The following LPP variants were observed in gnomAD, a reference collection of about 807,000 sequenced individuals.
LPP encodes the protein LIM domain containing preferred translocation partner in lipoma.
LPP carries 38 observed loss-of-function variants against 60.4 expected under a neutral mutation model. The ratio of observed to expected loss-of-function variants is 0.63; its 90% CI spans 0.49 to 0.83. The LOEUF (loss-of-function observed/expected upper bound fraction) is 0.83, where lower values mean the gene tolerates loss of function less well. LPP is among the 40% of genes least tolerant of loss of function. The pLI, the probability that LPP is intolerant of heterozygous loss-of-function variation, is 0.00. For missense variants in LPP, 902 were observed against 783.6 expected (o/e 1.15, Z -1.80); for synonymous variants, 328 against 290.8 (o/e 1.13, Z -1.30).
chr3:188,829,602 T>C (rs1459864450), intron 9 of LPP, among the ~76,000 whole-genome samples: 3 of 152,154 alleles, frequency 2.0e-5, no homozygotes, highest in Non-Finnish European at 4.4e-5. Context: ...ATGTTACTAA[T>C]AAGGAATCAG....
intron 7 of LPP, among the ~76,000 whole-genome samples, chr3:188,664,795 A>G (rs973204518): frequency 6.6e-6 from 1 of 152,206 alleles, no homozygotes; most frequent in African/African-American, 2.4e-5. Flanking sequence ...TGAGCTAGGT[A>G]TAAAAATATT....
At chr3:188,191,450 A>G (rs1728156772) in intron 1 of LPP, among the ~76,000 whole-genome samples, 2 of 152,222 alleles carry the variant, frequency 1.3e-5, no homozygotes, top group Non-Finnish European at 2.9e-5. Context: ...TGTGGGCATC[A>G]GAGGACCATT....
chr3:188,364,896 A>G (rs1672188591), intron 3 of LPP, among the ~76,000 whole-genome samples: 1 of 151,112 alleles, frequency 6.6e-6, no homozygotes, highest in Admixed American at 6.7e-5. Context: ...CAGAGGAAGA[A>G]GCCCTGGAGT....
At chr3:188,252,873 G>T (rs1030173224) in intron 2 of LPP, among the ~76,000 whole-genome samples, 1 of 152,168 alleles carries the variant, frequency 6.6e-6, no homozygotes, top group Non-Finnish European at 1.5e-5. Context: ...CCAGGTTCAA[G>T]TGATTCCCCT....
intron 1 of LPP, among the ~76,000 whole-genome samples, chr3:188,168,363 C>T (rs568462410): frequency 5.3e-5 from 8 of 152,200 alleles, no homozygotes; most frequent in Non-Finnish European, 1.2e-4. Context: ...CCTTTTAAAC[C>T]ATGGCGACAT....
chr3:188,735,809 C>A (rs1722303275), intron 8 of LPP, among the ~76,000 whole-genome samples: 1 of 152,186 alleles, frequency 6.6e-6, no homozygotes, highest in South Asian at 2.1e-4. Context: ...AAACAAGTGA[C>A]AACGGGGCTG....
rs370421382 is a variant in LPP, at chr3:188,708,268, G to A, written c.1115G>A (p.Gly372Asp). Residue 372 changes from glycine (G) to aspartate (D), a missense_variant and splice_region_variant, in exon 8 of 12, where the codon GGT (glycine) becomes GAT (aspartate). Gly to Asp is a moderately conservative substitution (Grantham distance 94). Transcript: ENST00000617246. ...GACTGTGTGCTTTCTGCCTTTCAGG[G>A]TGGCCATTCAGGGCAACTGGGGCCT... Reference protein sequence around the residue: ...APCAPPLQPKGGHSGQLGPSS... With the variant: ...APCAPPLQPKDGHSGQLGPSS... 35 of 1,614,018 alleles carry A rather than the reference G, an allele frequency of 2.2e-5. No homozygotes were observed. Among genetic ancestry groups the A allele is most frequent in the Middle Eastern group, 3.3e-4 (2 of 6,044 alleles).
At chr3:188,694,643 G>A (rs1486438096) in intron 7 of LPP, among the ~76,000 whole-genome samples, 6 of 151,760 alleles carry the variant, frequency 4.0e-5, no homozygotes, top group Admixed American at 1.3e-4. Flanking sequence ...CAGAGGTTGC[G>A]GTGAGCCGAG....
chr3:188,430,726 C>T (rs1790676241), intron 4 of LPP, among the ~76,000 whole-genome samples: 1 of 152,020 alleles, frequency 6.6e-6, no homozygotes, highest in Non-Finnish European at 1.5e-5. Flanking sequence ...TTTGTTGCAA[C>T]CTGAGAAGGC....
rs2150828840 is a variant in LPP at position 188,352,899 on chromosome 3, A to G, written c.-10+11180A>G. Among the ~76,000 whole-genome samples the G allele has an allele frequency of 6.6e-6, 1 of 152,312 alleles. No individual in the cohort carries two copies. The highest frequency in any genetic ancestry group is 1.5e-5 in the Non-Finnish European group (1 of 68,016). On this transcript the variant is annotated intron_variant, in intron 3 of 11. Transcript: ENST00000617246. The surrounding 1 kb of genome is among the most constrained non-coding windows in gnomAD (Gnocchi z 4.4). ...AGTAAATGGCCAAGGTGCCACTAAC[A>G]TGTCCATCCACAGAAACTTTTCTGG...
chr3:188,725,737 A>G (rs1375417189), intron 8 of LPP, among the ~76,000 whole-genome samples: 1 of 152,312 alleles, frequency 6.6e-6, no homozygotes, highest in African/African-American at 2.4e-5. Context: ...GTGCTTACAA[A>G]TAGCTCAATT....
At chr3:188,692,274 C>T (rs1862296150) in intron 7 of LPP, among the ~76,000 whole-genome samples, 1 of 152,202 alleles carries the variant, frequency 6.6e-6, no homozygotes, top group Non-Finnish European at 1.5e-5. Flanking sequence ...GCAAAGAATT[C>T]CCTCACCTTC....
intron 1 of LPP, among the ~76,000 whole-genome samples, chr3:188,196,598 A>G (rs1043662721): frequency 2.0e-5 from 3 of 151,894 alleles, no homozygotes; most frequent in African/African-American, 7.3e-5. Context: ...CATCCATCCT[A>G]TTCTCTCTTT....
At chr3:188,441,604 C>CTTTTTTTTTTTTTTTTT (rs1793873957) in intron 4 of LPP, among the ~76,000 whole-genome samples, 3 of 39,972 alleles carry the variant, frequency 7.5e-5, no homozygotes, top group Admixed American at 2.6e-4. Flanking sequence ...TTTTTCTTTT[C>CTTTTTTTTTTTTTTTTT]TTTTCTTTTT....
At chr3:188,839,326 C>A (rs990839926) in intron 9 of LPP, among the ~76,000 whole-genome samples, 4 of 152,194 alleles carry the variant, frequency 2.6e-5, no homozygotes, top group African/African-American at 7.2e-5. Context: ...CCGATCATTA[C>A]TCTAGGTAGA....
chr3:188,494,089 A>C (rs1298490825), intron 5 of LPP, among the ~76,000 whole-genome samples: 2 of 152,202 alleles, frequency 1.3e-5, no homozygotes, highest in Non-Finnish European at 2.9e-5. Context: ...ATTTAAATGC[A>C]GGGTGGCCAT....
intron 8 of LPP, among the ~76,000 whole-genome samples, chr3:188,722,046 A>G (rs914104509): frequency 1.3e-5 from 2 of 152,210 alleles, no homozygotes; most frequent in African/African-American, 2.4e-5. Flanking sequence ...TGCTTGCCTC[A>G]GAGTTCTGGA....
chr3:188,262,224 T>C (rs560672600), intron 2 of LPP, among the ~76,000 whole-genome samples: 40 of 152,224 alleles, frequency 2.6e-4, no homozygotes, highest in Middle Eastern at 3.4e-3. Context: ...GGAGACTGCA[T>C]CTCACATTGC....
At position 188,882,648 on chromosome 3, in the gene LPP, A is replaced by G. The variant is rs1388618617; in HGVS notation, c.*8169A>G. ...ACAAGCAGGACATCTCTATTTTCCT[A>G]TTGAGTCTGAGTCCATTATTAGAAA... On this transcript the variant is annotated 3_prime_UTR_variant, in exon 12 of 12. Coordinates refer to ENST00000617246, the MANE Select transcript of LPP (RefSeq NM_001375462.1). 1.8e-5 allele frequency: 4 copies of G among 218,166 alleles called. No individual in the cohort carries two copies. Among genetic ancestry groups the G allele is most frequent in the Non-Finnish European group, 3.7e-5 (4 of 108,834 alleles). 13.5% of individuals were successfully genotyped at this position (218,166 alleles called of 1,614,324 possible).
Sources: gnomAD v4.1 joint callset for allele counts (sites outside exome capture counted in the v4.1 genomes callset) on GRCh38, gnomAD v4.1.1 for gene constraint, Gnocchi (gnomAD v3.1) non-coding constraint, MANE v1.5 for transcripts, NCBI Gene and HGNC (gene_info 2026-07-23, HGNC 2026-07-21) for gene names.